The following CGGBP1 variants were observed in gnomAD, a reference collection of about 807,000 sequenced individuals.
The protein encoded by CGGBP1 is CGG triplet repeat-binding protein 1.
CGGBP1 carries 4 observed loss-of-function variants against 11.4 expected under a neutral mutation model. The observed-to-expected ratio is 0.35, with a 90% CI of 0.17 to 0.80. CGGBP1 has a LOEUF of 0.80. CGGBP1 is among the 30% of genes least tolerant of loss of function. The probability of loss-of-function intolerance (pLI) is 0.52; values close to 1 mark genes in which losing one functional copy is unlikely to be tolerated. For missense variants in CGGBP1, 135 were observed against 202.1 expected (o/e 0.67, Z 2.01); for synonymous variants, 76 against 74.1 (o/e 1.03, Z -0.13).
chr3:88,117,435 A>G (rs1705478195), intron 2 of CGGBP1, among the ~76,000 whole-genome samples: 1 of 152,188 alleles, frequency 6.6e-6, no homozygotes, highest in African/African-American at 2.4e-5. Flanking sequence ...ATTTAATAAT[A>G]TAGTTGTCAA....
intron 2 of CGGBP1, among the ~76,000 whole-genome samples, chr3:88,066,183 G>A (rs1707188573): frequency 6.6e-6 from 1 of 152,222 alleles, no homozygotes; most frequent in Non-Finnish European, 1.5e-5. Flanking sequence ...AATGACCAAT[G>A]AGGTTCTAAA....
Position 88,115,661 on chromosome 3 carries a change from T to C in CGGBP1, c.-229+25309A>G, listed in dbSNP as rs369492897. On this transcript the variant is annotated intron_variant, in intron 2 of 3. Transcript: ENST00000462901. Reference sequence around the variant, plus strand: ...AGAAATTTTTAACTCTTCTTACCTATAATTTTTCCTCTCCGTTATTTCTAG... The same window carrying C: ...AGAAATTTTTAACTCTTCTTACCTACAATTTTTCCTCTCCGTTATTTCTAG... Among the ~76,000 whole-genome samples, 5 of 152,330 alleles carry C rather than the reference T, an allele frequency of 3.3e-5. No homozygotes were observed. In the East Asian group the frequency reaches 5.8e-4, roughly 18 times the overall value.
intron 2 of CGGBP1, among the ~76,000 whole-genome samples, chr3:88,079,824 G>T (rs535589481): frequency 1.3e-5 from 2 of 152,162 alleles, no homozygotes; most frequent in South Asian, 4.1e-4. Context: ...AAGGAGTAGT[G>T]AGTTGAACAG....
intron 2 of CGGBP1, among the ~76,000 whole-genome samples, chr3:88,097,470 C>T (rs1426274622): frequency 6.6e-6 from 1 of 152,016 alleles, no homozygotes; most frequent in Non-Finnish European, 1.5e-5. Context: ...CTCAGCTCTG[C>T]ACCAAGCAGA....
intron 2 of CGGBP1, among the ~76,000 whole-genome samples, chr3:88,115,060 G>A (rs908958703): frequency 5.3e-5 from 8 of 152,008 alleles, no homozygotes; most frequent in African/African-American, 1.4e-4. Context: ...GTTCTTTCTC[G>A]TCTCCCATAA....
chr3:88,068,099 G>A (rs1707306739), intron 2 of CGGBP1, among the ~76,000 whole-genome samples: 1 of 152,130 alleles, frequency 6.6e-6, no homozygotes, highest in African/African-American at 2.4e-5. Flanking sequence ...TCTATTAAGA[G>A]TACATGGAGG....
At chr3:88,084,004 T>C (rs115401489) in intron 2 of CGGBP1, among the ~76,000 whole-genome samples, 4,646 of 151,430 alleles carry the variant, frequency 0.031, 101 homozygotes, top group Non-Finnish European at 0.044. Flanking sequence ...TGAAATAGTG[T>C]TATAATGAAT....
intron 2 of CGGBP1, among the ~76,000 whole-genome samples, chr3:88,091,692 G>A (rs192318161): frequency 3.3e-5 from 5 of 152,200 alleles, no homozygotes; most frequent in Admixed American, 6.5e-5. Context: ...TCATGGGGTC[G>A]GGTTTTTCCT....
intron 2 of CGGBP1, among the ~76,000 whole-genome samples, chr3:88,069,421 C>CA (rs751424521): frequency 3.5e-4 from 52 of 150,702 alleles, no homozygotes; most frequent in African/African-American, 6.1e-4. Context: ...GACTCTGTTT[C>CA]AAAAAAAAAG....
intron 2 of CGGBP1, chr3:88,086,539 G>T: frequency 1.3e-6 from 1 of 785,028 alleles, no homozygotes; most frequent in Non-Finnish European, 1.8e-6. Flanking sequence ...TTTCACTGAA[G>T]TATTCAGGTT....
chr3:88,090,986 A>G (rs182674473), intron 2 of CGGBP1, among the ~76,000 whole-genome samples: 21 of 152,320 alleles, frequency 1.4e-4, no homozygotes, highest in Admixed American at 2.0e-4. Flanking sequence ...GTTTTATGCT[A>G]TATTTTTACT....
At chr3:88,071,728 CG>C (rs1707525984) in intron 2 of CGGBP1, among the ~76,000 whole-genome samples, 1 of 151,420 alleles carries the variant, frequency 6.6e-6, no homozygotes, top group African/African-American at 2.4e-5. Context: ...CACTTGAACC[CG>C]GGAGGCAGAG....
At chr3:88,116,012 G>T (rs1705366323) in intron 2 of CGGBP1, among the ~76,000 whole-genome samples, 1 of 152,154 alleles carries the variant, frequency 6.6e-6, no homozygotes, top group Non-Finnish European at 1.5e-5. Context: ...GAGAGGAAAA[G>T]ATAATATAGA....
chr3:88,063,625 C>A (rs1359193907), upstream of CGGBP1, among the ~76,000 whole-genome samples: 1 of 151,956 alleles, frequency 6.6e-6, no homozygotes, highest in Non-Finnish European at 1.5e-5. Context: ...TTTAATTTAT[C>A]TTTAATTTTT....
intron 1 of CGGBP1, among the ~76,000 whole-genome samples, chr3:88,146,291 T>TA: frequency 6.6e-6 from 1 of 152,318 alleles, no homozygotes; most frequent in East Asian, 1.9e-4. Context: ...CCCTGGAAGA[T>TA]AAACAGTTCC....
rs1423772509 is a variant in CGGBP1 at position 88,053,697 on chromosome 3, A to G, written c.*1776T>C. 1.3e-5 allele frequency: 2 copies of G among 152,596 alleles called. No homozygotes were observed. Among genetic ancestry groups the G allele is most frequent in the African/African-American group, 4.8e-5 (2 of 41,458 alleles). The allele number at this position is 152,596 out of a possible 1,614,324, so 9.5% of individuals were successfully genotyped here. ...AGTGCTATAAAACTCAATTATTCCTAGCTTCTAAAATCTACCATCTTAGAT... is the reference window on the plus strand; with the variant it reads ...AGTGCTATAAAACTCAATTATTCCTGGCTTCTAAAATCTACCATCTTAGAT... On this transcript the variant is annotated 3_prime_UTR_variant, in exon 4 of 4. Coordinates refer to ENST00000482016, the MANE Select transcript of CGGBP1 (RefSeq NM_001008390.2).
At chr3:88,128,722 C>T in intron 2 of CGGBP1, 2 of 874,284 alleles carry the variant, frequency 2.3e-6, no homozygotes, top group Non-Finnish European at 3.4e-6. Context: ...TAATTAGAAA[C>T]CATATTTTAG....
At chr3:88,056,162 G>A (rs1576159273) in intron 3 of CGGBP1, 163 bp from the exon 4 acceptor site, 2 of 542,674 alleles carry the variant, frequency 3.7e-6, no homozygotes, top group East Asian at 6.2e-5. Context: ...AAATATATAA[G>A]GGAAGGCAAA....
At chr3:88,078,666 C>T (rs1707934877) in intron 2 of CGGBP1, among the ~76,000 whole-genome samples, 1 of 152,034 alleles carries the variant, frequency 6.6e-6, no homozygotes, top group Non-Finnish European at 1.5e-5. Flanking sequence ...CAGGTCATTC[C>T]AAATTTTTGT....
Sources: gnomAD v4.1 joint callset for allele counts (sites outside exome capture counted in the v4.1 genomes callset) on GRCh38, gnomAD v4.1.1 for gene constraint, MANE v1.5 for transcripts, NCBI Gene and HGNC (gene_info 2026-07-23, HGNC 2026-07-21) for gene names.